The following CMTM8 variants were observed in gnomAD, a reference collection of about 807,000 sequenced individuals.
CMTM8 encodes CKLF-like MARVEL transmembrane domain-containing protein 8.
CMTM8 carries 12 observed loss-of-function variants against 18.6 expected under a neutral mutation model. The observed-to-expected ratio is 0.65, with a 90% CI of 0.41 to 1.05. The LOEUF is 1.05. CMTM8 is among the 50% of genes least tolerant of loss of function. The probability of loss-of-function intolerance (pLI) is 0.00; values close to 1 mark genes in which losing one functional copy is unlikely to be tolerated. For synonymous variants in CMTM8, 87 were observed against 90.6 expected (o/e 0.96, Z 0.23); for missense variants, 217 against 227.2 (o/e 0.95, Z 0.29).
At chr3:32,268,008 A>T (rs1702374561) in intron 1 of CMTM8, among the ~76,000 whole-genome samples, 1 of 152,220 alleles carries the variant, frequency 6.6e-6, no homozygotes, top group South Asian at 2.1e-4. Context: ...ACTGTAAACT[A>T]GTTCAACCAT....
chr3:32,338,356 T>C (rs1696428639), intron 1 of CMTM8, among the ~76,000 whole-genome samples: 2 of 152,114 alleles, frequency 1.3e-5, no homozygotes, highest in South Asian at 4.1e-4. Flanking sequence ...TAGTTCTAAT[T>C]ACAGGCATGG....
chr3:32,311,393 T>C (rs905190141), intron 1 of CMTM8, among the ~76,000 whole-genome samples: 1 of 152,260 alleles, frequency 6.6e-6, no homozygotes, highest in African/African-American at 2.4e-5. Flanking sequence ...GCTGCAAAGC[T>C]TAAAATATTT....
chr3:32,267,298 A>G (rs1045726074), intron 1 of CMTM8, among the ~76,000 whole-genome samples: 1 of 152,326 alleles, frequency 6.6e-6, no homozygotes, highest in South Asian at 2.1e-4. Flanking sequence ...ATAATGCCAC[A>G]CATCTACAAC....
rs6800380 is a variant in CMTM8 at position 32,349,612 on chromosome 3, G to T, written c.148-7761G>T. Among the ~76,000 whole-genome samples, 759 of 152,284 alleles carry T rather than the reference G, an allele frequency of 5.0e-3. 7 individuals are homozygous for T. The highest frequency in any genetic ancestry group is 0.018 in the African/African-American group (734 of 41,560). On this transcript the variant is annotated intron_variant, in intron 1 of 3. Coordinates refer to ENST00000307526, the MANE Select transcript of CMTM8 (RefSeq NM_178868.5). ...ATTTTTGATTGCCATTAAGAGTGGG[G>T]AGGTGGAGCACAGCTGCTGGCATCA...
At chr3:32,338,820 T>C (rs1258205449) in intron 1 of CMTM8, among the ~76,000 whole-genome samples, 3 of 152,248 alleles carry the variant, frequency 2.0e-5, no homozygotes, top group East Asian at 1.9e-4. Context: ...TCAACGTGGC[T>C]GAGCAGTTCT....
chr3:32,366,300 A>G (rs1697034201), intron 2 of CMTM8, among the ~76,000 whole-genome samples: 1 of 152,226 alleles, frequency 6.6e-6, no homozygotes, highest in Non-Finnish European at 1.5e-5. Flanking sequence ...GAGTTCAGAA[A>G]AAATGGGCCA....
intron 1 of CMTM8, among the ~76,000 whole-genome samples, chr3:32,284,010 G>T (rs1162998772): frequency 6.6e-6 from 1 of 152,198 alleles, no homozygotes; most frequent in African/African-American, 2.4e-5. Context: ...CAGCACTTTG[G>T]GGGAGCCGAG....
At chr3:32,357,316 CT>C in intron 1 of CMTM8, 56 bp from the exon 2 acceptor site, 3 of 1,304,754 alleles carry the variant, frequency 2.3e-6, no homozygotes, top group Non-Finnish European at 3.2e-6. Context: ...CTCCTTCCTT[CT>C]TTTTCTTTAT....
At chr3:32,255,791 C>T (rs1702167796) in intron 1 of CMTM8, among the ~76,000 whole-genome samples, 1 of 152,104 alleles carries the variant, frequency 6.6e-6, no homozygotes. Context: ...GTGACATGAT[C>T]TTGGCTCACT....
chr3:32,335,973 C>T (rs1288426372), intron 1 of CMTM8, among the ~76,000 whole-genome samples: 1 of 152,138 alleles, frequency 6.6e-6, no homozygotes, highest in Admixed American at 6.5e-5. Flanking sequence ...AGAAAGCAGC[C>T]CTGACCAAGT....
chr3:32,318,622 G>A (rs892863569), intron 1 of CMTM8, among the ~76,000 whole-genome samples: 42 of 147,368 alleles, frequency 2.9e-4, no homozygotes, highest in African/African-American at 9.8e-4. Context: ...CCTGGAGTGC[G>A]GTGGTGCGAT....
chr3:32,257,054 C>G (rs1336641191), intron 1 of CMTM8, among the ~76,000 whole-genome samples: 1 of 152,198 alleles, frequency 6.6e-6, no homozygotes. Context: ...GAAGCATGAT[C>G]TCAGATCACT....
At chr3:32,352,070 C>T (rs1017420090) in intron 1 of CMTM8, among the ~76,000 whole-genome samples, 7 of 151,220 alleles carry the variant, frequency 4.6e-5, no homozygotes, top group Non-Finnish European at 8.8e-5. Flanking sequence ...TACAGCTACT[C>T]GGGAGGCTGC....
chr3:32,238,456 C>T (rs951247432), upstream of CMTM8: 3 of 152,400 alleles, frequency 2.0e-5, no homozygotes, highest in African/African-American at 7.2e-5. Flanking sequence ...AAGTAAAGGC[C>T]GGGAGGGGGA....
intron 1 of CMTM8, among the ~76,000 whole-genome samples, chr3:32,298,288 T>C (rs1471195292): frequency 6.6e-6 from 1 of 151,978 alleles, no homozygotes; most frequent in African/African-American, 2.4e-5. Flanking sequence ...GCCAGGCTGG[T>C]CTCAAACTCC....
intron 1 of CMTM8, among the ~76,000 whole-genome samples, chr3:32,332,060 A>C (rs915947378): frequency 6.6e-5 from 10 of 151,460 alleles, no homozygotes; most frequent in Admixed American, 3.3e-4. Flanking sequence ...ACACACAAGT[A>C]AGTCATGAAT....
At position 32,275,583 on chromosome 3, in the gene CMTM8, A is replaced by G. The variant is rs1702504693; in HGVS notation, c.147+36464A>G. Among the ~76,000 whole-genome samples, 3 of 151,720 alleles carry G rather than the reference A, an allele frequency of 2.0e-5. 1 individual carries two copies. Among genetic ancestry groups the G allele is most frequent in the Middle Eastern group, 6.9e-3 (2 of 288 alleles). The stretch of plus-strand genomic sequence containing the variant: ...GGCATGGGGGCCGCTCTGTCCCTCA[A>G]AGGTATTGGTGAAATCGCTCAGAAT... On this transcript the variant is annotated intron_variant, in intron 1 of 3. Coordinates refer to ENST00000307526, the MANE Select transcript of CMTM8 (RefSeq NM_178868.5).
At chr3:32,278,746 A>G (rs548938875) in intron 1 of CMTM8, among the ~76,000 whole-genome samples, 7 of 152,304 alleles carry the variant, frequency 4.6e-5, no homozygotes, top group Admixed American at 2.6e-4. Context: ...ACTTACCTTT[A>G]TATACTTGAT....
At chr3:32,337,532 G>A (rs1340901738) in intron 1 of CMTM8, among the ~76,000 whole-genome samples, 1 of 152,180 alleles carries the variant, frequency 6.6e-6, no homozygotes, top group African/African-American at 2.4e-5. Flanking sequence ...GAAGATTTGT[G>A]TTCTTTGTGA....
Sources: allele counts gnomAD v4.1 joint callset (sites outside exome capture counted in the v4.1 genomes callset), GRCh38; gene constraint gnomAD v4.1.1; transcripts MANE v1.5; gene names NCBI Gene and HGNC (gene_info 2026-07-23, HGNC 2026-07-21).